TRMT9B: variants seen among roughly 807,000 people sequenced by gnomAD.
TRMT9B encodes tRNA methyltransferase 9B (putative).
TRMT9B carries 16 observed loss-of-function variants against 11.5 expected under a neutral mutation model. The observed-to-expected ratio is 1.39, with a 90% confidence interval of 0.94 to 2.11. The LOEUF is 2.11. Among genes scored for constraint, TRMT9B ranks in the 30% most tolerant of loss-of-function variants. TRMT9B has a pLI of 0.00. For missense variants in TRMT9B, 941 were observed against 553.8 expected, an observed-to-expected ratio of 1.70 and a Z score of -7.02; for synonymous variants, 274 against 192.4, an observed-to-expected ratio of 1.42 and a Z score of -3.51.
intron 3 of TRMT9B, 78 bp downstream of exon 3, chr8:13,006,434 G>C (rs972135449): frequency 6.5e-7 from 1 of 1,548,000 alleles, no homozygotes; most frequent in Non-Finnish European, 8.7e-7. Flanking sequence ...CAGCCTCATC[G>C]CTGACATAGG....
At chr8:12,967,272 A>T (rs2977148) in intron 1 of TRMT9B, among the ~76,000 whole-genome samples, 5,067 of 152,328 alleles carry the variant, frequency 0.033, 102 homozygotes, top group African/African-American at 0.052. Context: ...CATAGGTAAA[A>T]AGTCATGAAA....
intron 1 of TRMT9B, among the ~76,000 whole-genome samples, chr8:12,988,947 C>G (rs1427784860): frequency 6.6e-6 from 1 of 150,806 alleles, no homozygotes; most frequent in African/African-American, 2.5e-5. Context: ...TTGTATGCTT[C>G]AGATATTAAA....
chr8:13,002,020 C>T (rs1310306702), intron 2 of TRMT9B, among the ~76,000 whole-genome samples: 1 of 152,192 alleles, frequency 6.6e-6, no homozygotes, highest in South Asian at 2.1e-4. Flanking sequence ...AAATCCGCAG[C>T]ATTTAAAATT....
At chr8:12,982,988 G>T (rs2128874090) in intron 1 of TRMT9B, among the ~76,000 whole-genome samples, 1 of 152,294 alleles carries the variant, frequency 6.6e-6, no homozygotes. Context: ...ATGTGTTCAG[G>T]CACCAACCAC....
At chr8:12,961,362 A>T (rs1386505897) in intron 1 of TRMT9B, among the ~76,000 whole-genome samples, 1 of 152,136 alleles carries the variant, frequency 6.6e-6, no homozygotes, top group Non-Finnish European at 1.5e-5. Context: ...TATTTTTTTT[A>T]AAGTTAAGAA....
At chr8:13,020,167 T>C (rs994456808) in intron 4 of TRMT9B, among the ~76,000 whole-genome samples, 1 of 152,178 alleles carries the variant, frequency 6.6e-6, no homozygotes, top group African/African-American at 2.4e-5. Context: ...ACAGCTCATA[T>C]CAAAACAAGA....
At chr8:12,952,131 T>A (rs2128856649) in intron 1 of TRMT9B, 1 of 447,534 alleles carries the variant, frequency 2.2e-6, no homozygotes, top group South Asian at 1.6e-5. Flanking sequence ...TGCCCCTGGC[T>A]GCGGGACAGC....
At chr8:12,952,894 C>T (rs3739314) in intron 1 of TRMT9B, among the ~76,000 whole-genome samples, 16,903 of 152,154 alleles carry the variant, frequency 0.11, 1,101 homozygotes, top group African/African-American at 0.17. Flanking sequence ...CAACCGTCAC[C>T]ATGCCTGGCT....
intron 1 of TRMT9B, among the ~76,000 whole-genome samples, chr8:12,956,715 TGTA>T (rs1416230521): frequency 1.3e-5 from 2 of 152,234 alleles, no homozygotes; most frequent in Non-Finnish European, 2.9e-5. Flanking sequence ...TTCTCTCCCC[TGTA>T]ACTTTCAGCA....
At chr8:13,013,659 A>T (rs1812079890) in intron 4 of TRMT9B, among the ~76,000 whole-genome samples, 1 of 152,242 alleles carries the variant, frequency 6.6e-6, no homozygotes, top group Non-Finnish European at 1.5e-5. Flanking sequence ...ACTCTTAAAA[A>T]TCAACCTATT....
intron 4 of TRMT9B, among the ~76,000 whole-genome samples, chr8:13,017,337 A>T (rs1369804056): frequency 6.6e-6 from 1 of 152,212 alleles, no homozygotes; most frequent in Non-Finnish European, 1.5e-5. Flanking sequence ...TCTGGAATCC[A>T]GTAATTGAAT....
At position 13,021,188 on chromosome 8, in the gene TRMT9B, C is replaced by T. The variant is rs1189035208; in HGVS notation, c.509C>T (p.Ser170Leu). The T allele has an allele frequency of 1.2e-6, 2 of 1,613,646 alleles. No individual in the cohort carries two copies. The highest frequency in any genetic ancestry group is 1.3e-5 in the African/African-American group (1 of 74,928). Residue 170 changes from serine (S) to leucine (L), a missense_variant, in exon 5 of 5, where the codon TCA becomes TTA. Physicochemically the swap from Ser to Leu is moderately radical, Grantham distance 145. Coordinates refer to ENST00000524591, the MANE Select transcript of TRMT9B (RefSeq NM_020844.3). ...WNRALCSQLF[S>L]ESSQSGRKRQ... ...AGGGCTCTGTGTTCCCAGCTCTTCT[C>T]AGAGTCCAGCCAGTCTGGGAGGAAG...
chr8:12,960,076 T>G (rs980273570), intron 1 of TRMT9B: 1 of 152,208 alleles, frequency 6.6e-6, no homozygotes, highest in African/African-American at 2.4e-5. Context: ...AAGTTTTAAG[T>G]AACACAATTT....
chr8:12,992,509 G>C (rs1049035146), intron 2 of TRMT9B, among the ~76,000 whole-genome samples: 7 of 152,020 alleles, frequency 4.6e-5, no homozygotes, highest in African/African-American at 1.7e-4. Context: ...TGTGGTATCT[G>C]AAGGACAACA....
intron 1 of TRMT9B, among the ~76,000 whole-genome samples, chr8:12,974,126 G>GTGTGC (rs1804057848): frequency 6.6e-6 from 1 of 152,050 alleles, no homozygotes; most frequent in Admixed American, 6.6e-5. Context: ...AGCCAAGATC[G>GTGTGC]CACCGATGCT....
chr8:12,995,251 C>G (rs1482349467), intron 2 of TRMT9B, among the ~76,000 whole-genome samples: 1 of 152,212 alleles, frequency 6.6e-6, no homozygotes, highest in Admixed American at 6.5e-5. Context: ...AAGCAAGTTT[C>G]AGCTGCAGTT....
intron 1 of TRMT9B, among the ~76,000 whole-genome samples, chr8:12,952,959 G>C (rs1387245468): frequency 6.6e-6 from 1 of 151,996 alleles, no homozygotes; most frequent in Admixed American, 6.6e-5. Flanking sequence ...AGGCTGGTCT[G>C]GAACTCCTGA....
chr8:13,014,579 A>G (rs1341232854), intron 4 of TRMT9B, among the ~76,000 whole-genome samples: 1 of 152,170 alleles, frequency 6.6e-6, no homozygotes, highest in East Asian at 1.9e-4. Flanking sequence ...TAAACCTCCT[A>G]AAGTTCTGCC....
At position 13,021,936 on chromosome 8, in the gene TRMT9B, G is replaced by A. The variant is rs184567216; in HGVS notation, c.1257G>A (p.Glu419=). 715 of 1,613,772 alleles carry A rather than the reference G, an allele frequency of 4.4e-4. 4 individuals carry two copies. The African/African-American group carries it at 8.5e-3, about 19-fold the overall frequency. ...ACTACCATGTGTTTCGAGAAGGGGAGCTCTGCAGTCTGCTCAAGGAGAATG... is the reference window on the plus strand; with the variant it reads ...ACTACCATGTGTTTCGAGAAGGGGAACTCTGCAGTCTGCTCAAGGAGAATG... The part of the protein sequence containing the change: ...MRYYHVFREG[E]LCSLLKENVS... The change falls in exon 5 of 5, where the codon GAG becomes GAA. Residue 419 remains glutamate, a synonymous_variant. Transcript: ENST00000524591.
Sources: allele counts gnomAD v4.1 joint callset (sites outside exome capture counted in the v4.1 genomes callset), GRCh38; gene constraint gnomAD v4.1.1; transcripts MANE v1.5; gene names NCBI Gene and HGNC (gene_info 2026-07-23, HGNC 2026-07-21).